AGTPBP1: variants seen among roughly 807,000 people sequenced by gnomAD.
AGTPBP1 encodes the protein cytosolic carboxypeptidase 1.
Under a neutral mutation model 143.9 loss-of-function variants are expected in AGTPBP1, and 70 were observed. The observed-to-expected ratio is 0.49, with a 90% CI of 0.40 to 0.59. AGTPBP1 has a LOEUF of 0.59. Ranked by LOEUF, AGTPBP1 falls within the 20% of genes least tolerant of loss-of-function variation. AGTPBP1 has a pLI of 0.00. For synonymous variants in AGTPBP1, 463 were observed against 500.2 expected (o/e 0.93, Z 0.99); for missense variants, 1,229 against 1,464.5 (o/e 0.84, Z 2.62).
chr9:85,588,267 G>A (rs1398893063), intron 21 of AGTPBP1, 31 bp downstream of exon 21: 2 of 1,544,258 alleles, frequency 1.3e-6, no homozygotes, highest in Non-Finnish European at 1.8e-6. Context: ...CAATGGTCTT[G>A]AATATATTCT....
the AGTPBP1 span, among the ~76,000 whole-genome samples, chr9:85,777,597 C>T: frequency 9.2e-5 from 14 of 152,214 alleles, no homozygotes; most frequent in African/African-American, 3.4e-4. Context: ...ATCATATCCA[C>T]TTGATTATTA....
chr9:85,639,980 G>T (rs546559454), intron 13 of AGTPBP1, among the ~76,000 whole-genome samples: 2 of 152,170 alleles, frequency 1.3e-5, no homozygotes, highest in Non-Finnish European at 2.9e-5. Flanking sequence ...TGGAAACAAA[G>T]CAGGCGGTGT....
the AGTPBP1 span, among the ~76,000 whole-genome samples, chr9:85,750,505 C>T: frequency 6.6e-6 from 1 of 152,182 alleles, no homozygotes; most frequent in Non-Finnish European, 1.5e-5. Flanking sequence ...TCTGTTCAAA[C>T]CTTGTTCTAA....
intron 1 of AGTPBP1, among the ~76,000 whole-genome samples, chr9:85,726,533 A>C (rs1351777756): frequency 3.3e-5 from 5 of 152,252 alleles, no homozygotes; most frequent in African/African-American, 1.2e-4. Flanking sequence ...AACTGTATCT[A>C]GTGAGTCATT....
At chr9:85,691,939 G>C (rs1281716891) in intron 3 of AGTPBP1, among the ~76,000 whole-genome samples, 1 of 152,028 alleles carries the variant, frequency 6.6e-6, no homozygotes, top group Non-Finnish European at 1.5e-5. Context: ...TAAATCTCAT[G>C]ACAACCGTGT....
chr9:85,788,722 TTTATA>T, the AGTPBP1 span, among the ~76,000 whole-genome samples: 1 of 149,946 alleles, frequency 6.7e-6, no homozygotes, highest in East Asian at 1.9e-4. Context: ...ATTATTTCAC[TTTATA>T]TTATTTAATA....
At chr9:85,792,921 A>G in the AGTPBP1 span, among the ~76,000 whole-genome samples, 1 of 152,224 alleles carries the variant, frequency 6.6e-6, no homozygotes, top group Non-Finnish European at 1.5e-5. Context: ...ATATAAACAA[A>G]TCATAAGACA....
At chr9:85,583,258 CTA>C (rs760348975) in intron 23 of AGTPBP1, among the ~76,000 whole-genome samples, 2 of 152,076 alleles carry the variant, frequency 1.3e-5, no homozygotes, top group African/African-American at 2.4e-5. Context: ...ATTTGTTTTG[CTA>C]TGTTTGTTGT....
At chr9:85,584,964 TTA>T (rs751234675) in intron 23 of AGTPBP1, among the ~76,000 whole-genome samples, 74 of 152,262 alleles carry the variant, frequency 4.9e-4, no homozygotes, top group Non-Finnish European at 9.1e-4. Flanking sequence ...CCAACAAAGT[TTA>T]TCCACAAATG....
At chr9:85,625,373 A>G (rs1240929243) in intron 14 of AGTPBP1, among the ~76,000 whole-genome samples, 5 of 152,206 alleles carry the variant, frequency 3.3e-5, no homozygotes, top group Admixed American at 6.5e-5. Context: ...ATTTTAGCCA[A>G]TCTGATATGT....
intron 5 of AGTPBP1, 146 bp from the exon 6 acceptor site, chr9:85,677,728 C>G: frequency 7.3e-6 from 5 of 686,288 alleles, no homozygotes; most frequent in Non-Finnish European, 1.1e-5. Flanking sequence ...TAAGGCTGGG[C>G]GCAGTAGCTC....
At chr9:85,710,789 T>A (rs1564170850) in intron 2 of AGTPBP1, among the ~76,000 whole-genome samples, 1 of 152,078 alleles carries the variant, frequency 6.6e-6, no homozygotes, top group African/African-American at 2.4e-5. Context: ...TAAAAGTAAT[T>A]TCACATTTTT....
In AGTPBP1 at chr9:85,619,015, TTAA is replaced by T; in HGVS notation, c.2300_2302del (p.Ile767del). 1 of 1,613,512 alleles carries T rather than the reference TTAA, an allele frequency of 6.2e-7. No individual in the cohort carries two copies. The highest frequency in any genetic ancestry group is 8.5e-7 in the Non-Finnish European group (1 of 1,179,772). ...AAACTGACTGTTGGACTTTTCACAG[TTAA>T]TGATGTTAAACCTGTAAGCAACACC... On this transcript the variant is annotated inframe_deletion, in exon 17 of 26. Coordinates refer to ENST00000357081, the MANE Select transcript of AGTPBP1 (RefSeq NM_001330701.2).
chr9:85,713,435 A>G (rs1051278089), intron 1 of AGTPBP1, among the ~76,000 whole-genome samples: 2 of 152,084 alleles, frequency 1.3e-5, no homozygotes, highest in East Asian at 1.9e-4. Context: ...GGAGGCTGAG[A>G]CAGGAGAATC....
rs1307340036 is a variant in AGTPBP1, at chr9:85,741,846, G to A, written c.-105C>T. The A allele has an allele frequency of 1.4e-6, 2 of 1,401,814 alleles. No homozygotes were observed. Among genetic ancestry groups the A allele is most frequent in the Non-Finnish European group, 1.9e-6 (2 of 1,079,358 alleles). 86.8% of individuals were successfully genotyped at this position (1,401,814 alleles called of 1,614,324 possible). A position where few individuals can be genotyped will look rare whatever the true frequency, so the allele number is the denominator to read the frequency against. On this transcript the variant is annotated 5_prime_UTR_variant, in exon 1 of 26. Transcript: ENST00000357081. ...CCGGCTCAGCACCTGGATCACGGCG[G>A]ATCCCTCGCCGCCCGCCGCCCGGTG...
chr9:85,606,357 T>G (rs1362160505), intron 17 of AGTPBP1, among the ~76,000 whole-genome samples: 1 of 150,128 alleles, frequency 6.7e-6, no homozygotes, highest in Non-Finnish European at 1.5e-5. Flanking sequence ...TGAGATACCA[T>G]CTTACCCCAG....
intron 1 of AGTPBP1, among the ~76,000 whole-genome samples, chr9:85,724,872 T>C (rs1181836326): frequency 6.6e-6 from 1 of 152,232 alleles, no homozygotes; most frequent in East Asian, 1.9e-4. Context: ...TGAATGCTTT[T>C]AAGTTTTCTT....
upstream of AGTPBP1, among the ~76,000 whole-genome samples, chr9:85,742,592 T>G (rs1470800602): frequency 2.6e-5 from 4 of 152,230 alleles, no homozygotes; most frequent in African/African-American, 9.6e-5. Flanking sequence ...TGCCTAGTGC[T>G]GCAGCGAACA....
intron 1 of AGTPBP1, among the ~76,000 whole-genome samples, chr9:85,732,495 G>C (rs1838957451): frequency 6.6e-6 from 1 of 151,914 alleles, no homozygotes; most frequent in Non-Finnish European, 1.5e-5. Flanking sequence ...ACCACTTTAT[G>C]AAGAAAACCA....
Sources: allele counts gnomAD v4.1 joint callset (sites outside exome capture counted in the v4.1 genomes callset), GRCh38; gene constraint gnomAD v4.1.1; transcripts MANE v1.5; gene names NCBI Gene and HGNC (gene_info 2026-07-23, HGNC 2026-07-21).